The following HACD2 variants were observed in gnomAD, a reference collection of about 807,000 sequenced individuals.
HACD2 encodes the protein 3-hydroxyacyl-CoA dehydratase 2.
A neutral mutation model predicts 31.0 loss-of-function variants in HACD2; 15 were observed. The observed-to-expected ratio is 0.48, with a 90% CI of 0.32 to 0.75. The LOEUF is 0.75. Among genes scored for constraint, HACD2 ranks in the 30% least tolerant of loss-of-function variants. The pLI, the probability that HACD2 is intolerant of heterozygous loss-of-function variation, is 0.03. For missense variants in HACD2, 283 were observed against 313.0 expected (o/e 0.90, Z 0.72); for synonymous variants, 115 against 122.2 (o/e 0.94, Z 0.39).
At chr3:123,536,641 T>G (rs889888883) in intron 3 of HACD2, among the ~76,000 whole-genome samples, 7 of 152,188 alleles carry the variant, frequency 4.6e-5, no homozygotes, top group Admixed American at 1.3e-4. Flanking sequence ...TAACAACTGA[T>G]AGTGAATGAC....
At chr3:123,520,499 C>T (rs374646991) in intron 4 of HACD2, among the ~76,000 whole-genome samples, 2 of 152,294 alleles carry the variant, frequency 1.3e-5, no homozygotes. Flanking sequence ...TTCAAGTGTT[C>T]ACATATGGCT....
chr3:123,567,839 T>C (rs1559932560), intron 2 of HACD2, 59 bp from the exon 3 acceptor site: 3 of 1,137,952 alleles, frequency 2.6e-6, no homozygotes, highest in Admixed American at 2.6e-5. Context: ...ATTAAAGTTT[T>C]ATTTCATATA....
chr3:123,523,698 G>A lies in HACD2; in HGVS notation c.381+4688C>T, dbSNP rs183809969. ...TTGAGGAATCCCAGGAAGAGGTGTC[G>A]GCACTGTGTTACCTCAGGTGGGAAT... On this transcript the variant is annotated intron_variant, in intron 4 of 6. Transcript: ENST00000383657. 5.6e-3 allele frequency among the ~76,000 whole-genome samples: 847 copies of A among 152,238 alleles called. 10 individuals are homozygous for A. The highest frequency in any genetic ancestry group is 0.019 in the African/African-American group (803 of 41,540).
chr3:123,501,674 C>T (rs2055903368), intron 5 of HACD2, among the ~76,000 whole-genome samples: 1 of 152,240 alleles, frequency 6.6e-6, no homozygotes, highest in Admixed American at 6.5e-5. Flanking sequence ...ACAGACTTCC[C>T]TAACAACCAG....
At chr3:123,504,828 A>G (rs2055952859) in intron 4 of HACD2, among the ~76,000 whole-genome samples, 2 of 152,232 alleles carry the variant, frequency 1.3e-5, no homozygotes, top group South Asian at 4.1e-4. Context: ...GGATTTGGAT[A>G]AAGAGATTGA....
At chr3:123,551,346 C>G (rs551539680) in intron 3 of HACD2, among the ~76,000 whole-genome samples, 2 of 152,086 alleles carry the variant, frequency 1.3e-5, no homozygotes, top group African/African-American at 2.4e-5. Flanking sequence ...AGGCCGGGCA[C>G]GGTGGCTCAC....
Position 123,567,750 on chromosome 3 carries a change from A to G in HACD2, c.292+12T>C. 1 of 1,463,994 alleles carries G rather than the reference A, an allele frequency of 6.8e-7. No homozygotes were observed. The highest frequency in any genetic ancestry group is 1.4e-5 in the South Asian group (1 of 72,254). 90.7% of individuals were successfully genotyped at this position (1,463,994 alleles called of 1,614,324 possible). A position where few individuals can be genotyped will look rare whatever the true frequency, so the allele number is the denominator to read the frequency against. On this transcript the variant is annotated intron_variant, in intron 3 of 6. Coordinates refer to ENST00000383657, the MANE Select transcript of HACD2 (RefSeq NM_198402.5). Reference sequence around the variant, plus strand: ...TTCACTGTACATAGTAGGGGGGAATATCCATACTTACCTATAGCACAATGT... The same window carrying G: ...TTCACTGTACATAGTAGGGGGGAATGTCCATACTTACCTATAGCACAATGT...
intron 4 of HACD2, among the ~76,000 whole-genome samples, chr3:123,510,747 G>A (rs1285065657): frequency 6.6e-6 from 1 of 152,152 alleles, no homozygotes; most frequent in East Asian, 1.9e-4. Flanking sequence ...GTAAGTTTAA[G>A]TACTTGCTTT....
intron 4 of HACD2, among the ~76,000 whole-genome samples, chr3:123,525,497 G>C (rs2056269481): frequency 6.6e-6 from 1 of 152,164 alleles, no homozygotes; most frequent in Non-Finnish European, 1.5e-5. Context: ...AAGCAATGAT[G>C]CATGTCCCAT....
chr3:123,573,652 G>A (rs1378285907), intron 2 of HACD2, among the ~76,000 whole-genome samples: 1 of 152,116 alleles, frequency 6.6e-6, no homozygotes, highest in Non-Finnish European at 1.5e-5. Context: ...TAATAAAGGT[G>A]ATTTTTAGGA....
At chr3:123,517,514 C>A (rs959656957) in intron 4 of HACD2, among the ~76,000 whole-genome samples, 4 of 152,152 alleles carry the variant, frequency 2.6e-5, no homozygotes, top group Non-Finnish European at 4.4e-5. Context: ...AAGTGATAGT[C>A]CTTTAACTCC....
chr3:123,575,650 C>G (rs1046706262), intron 2 of HACD2, among the ~76,000 whole-genome samples: 1 of 152,204 alleles, frequency 6.6e-6, no homozygotes, highest in East Asian at 1.9e-4. Context: ...TTTCAAAGTT[C>G]CATTAGCTTT....
intron 3 of HACD2, among the ~76,000 whole-genome samples, chr3:123,561,447 A>C (rs578219107): frequency 1.3e-5 from 2 of 152,304 alleles, no homozygotes; most frequent in East Asian, 3.9e-4. Context: ...TAAGCTTTAG[A>C]TATAACTCTC....
chr3:123,501,864 CAT>C (rs2055906166), intron 5 of HACD2, among the ~76,000 whole-genome samples: 1 of 152,172 alleles, frequency 6.6e-6, no homozygotes, highest in Non-Finnish European at 1.5e-5. Flanking sequence ...TTACTGAACT[CAT>C]AAACACTCTA....
rs760038973 is a variant in HACD2, at chr3:123,500,528, G to A, written c.669C>T (p.Ile223=). The change falls in exon 6 of 7, where the codon ATC becomes ATT. Residue 223 remains isoleucine, a synonymous_variant. Coordinates refer to ENST00000383657, the MANE Select transcript of HACD2 (RefSeq NM_198402.5). The part of the protein sequence containing the change: ...DYYAFLILIM[I]SYIPIFPQLY... ...CTGTTTACTTACTTGGAATGTAGGA[G>A]ATCATTATTAGAATCAGGAATGCAT... 1.0e-5 allele frequency: 16 copies of A among 1,603,046 alleles called. No individual in the cohort carries two copies. The Admixed American group carries it at 1.0e-4, about 10-fold the overall frequency.
At chr3:123,546,066 C>T (rs2107726113) in intron 3 of HACD2, among the ~76,000 whole-genome samples, 1 of 152,158 alleles carries the variant, frequency 6.6e-6, no homozygotes, top group South Asian at 2.1e-4. Flanking sequence ...TTTATTTATT[C>T]AAGTACCCCT....
intron 4 of HACD2, among the ~76,000 whole-genome samples, chr3:123,523,697 C>T (rs1165685625): frequency 6.6e-5 from 10 of 152,274 alleles, no homozygotes; most frequent in Middle Eastern, 3.4e-3. Flanking sequence ...GAAGAGGTGT[C>T]GGCACTGTGT....
chr3:123,538,664 T>C (rs2056453664), intron 3 of HACD2, among the ~76,000 whole-genome samples: 1 of 152,160 alleles, frequency 6.6e-6, no homozygotes, highest in South Asian at 2.1e-4. Context: ...AACTCAGCTA[T>C]ATGAACTCAA....
At chr3:123,573,732 T>C (rs1475207496) in intron 2 of HACD2, among the ~76,000 whole-genome samples, 1 of 152,306 alleles carries the variant, frequency 6.6e-6, no homozygotes, top group East Asian at 1.9e-4. Flanking sequence ...TGTTGGTTAT[T>C]CACTGGGCTC....
Sources: gnomAD v4.1 joint callset for allele counts (sites outside exome capture counted in the v4.1 genomes callset) on GRCh38, gnomAD v4.1.1 for gene constraint, MANE v1.5 for transcripts, NCBI Gene and HGNC (gene_info 2026-07-23, HGNC 2026-07-21) for gene names.